CAPS2: variants seen among roughly 807,000 people sequenced by gnomAD.
The protein encoded by CAPS2 is calcyphosin-2.
CAPS2 carries 98 observed loss-of-function variants against 86.5 expected under a neutral mutation model. The ratio of observed to expected loss-of-function variants is 1.13; its 90% CI spans 0.96 to 1.34. The LOEUF (loss-of-function observed/expected upper bound fraction) is 1.34, where lower values mean the gene tolerates loss of function less well. CAPS2 is among the 40% of genes most tolerant of loss of function. CAPS2 has a pLI of 0.00. For missense variants in CAPS2, 729 were observed against 686.8 expected (o/e 1.06, Z -0.69); for synonymous variants, 210 against 225.1 (o/e 0.93, Z 0.60).
Position 75,308,333 on chromosome 12 carries a change from G to C in CAPS2, c.660-3457C>G, listed in dbSNP as rs143214357. Among the ~76,000 whole-genome samples the C allele has an allele frequency of 2.5e-3, 373 of 152,244 alleles. 6 individuals carry two copies. Among genetic ancestry groups the C allele is most frequent in the Admixed American group, 0.021 (323 of 15,290 alleles). The stretch of plus-strand genomic sequence containing the variant: ...TAGAAAGAAATGTATGTATGTATTT[G>C]TCATTACATACATTTACATGTACAC... On this transcript the variant is annotated intron_variant, in intron 7 of 16. Transcript: ENST00000393284.
At chr12:75,305,649 G>T (rs921657278) in intron 7 of CAPS2, 11 of 634,130 alleles carry the variant, frequency 1.7e-5, no homozygotes, top group Non-Finnish European at 3.3e-5. Context: ...GAGAAGGGCG[G>T]CGCCCACCAG....
intron 9 of CAPS2, 71 bp from the exon 10 acceptor site, chr12:75,299,037 T>C (rs2037378559): frequency 1.0e-6 from 1 of 1,001,790 alleles, no homozygotes; most frequent in East Asian, 2.5e-5. Context: ...AAAAAACATG[T>C]TCATCTCAAG....
chr12:75,343,672 TA>T, intron 1 of CAPS2: 1 of 1,557,678 alleles, frequency 6.4e-7, no homozygotes, highest in Non-Finnish European at 8.7e-7. Context: ...CAATTCAATT[TA>T]AATTATTTTT....
rs550338080 is a variant in CAPS2, at chr12:75,281,901, G to A, written c.1612+350C>T. ...TCCTTCATTCTGCTTAAATCCTTAA[G>A]TATGGATAACTATATAAGCAGATAC... On this transcript the variant is annotated intron_variant, in intron 16 of 16. Coordinates refer to ENST00000393284, the Ensembl canonical transcript of CAPS2. Among the ~76,000 whole-genome samples the A allele has an allele frequency of 3.3e-5, 5 of 152,174 alleles. No individual in the cohort carries two copies. The South Asian group carries it at 1.0e-3, about 31-fold the overall frequency.
chr12:75,373,710 T>C lies in CAPS2; in HGVS notation c.-395+17128A>G, dbSNP rs4346005. ...ATCTGTAAACCAGGCCCTAGTCTTC[T>C]TTTCCTCTGCCAACTGATCATAGGG... On this transcript the variant is annotated intron_variant, in intron 1 of 5. Coordinates refer to the CAPS2 transcript ENST00000551829. 4.1e-3 allele frequency: 633 copies of C among 153,378 alleles called. 5 individuals are homozygous for C. The highest frequency in any genetic ancestry group is 0.015 in the African/African-American group (607 of 41,538). 9.5% of individuals were successfully genotyped at this position (153,378 alleles called of 1,614,324 possible).
intron 11 of CAPS2, among the ~76,000 whole-genome samples, chr12:75,297,975 G>A (rs1440975379): frequency 2.0e-5 from 3 of 151,898 alleles, no homozygotes; most frequent in African/African-American, 7.3e-5. Flanking sequence ...CTCCTATCTG[G>A]CCCTCTTATC....
At chr12:75,316,208 T>G in intron 6 of CAPS2, 104 bp downstream of exon 6, 1 of 1,382,492 alleles carries the variant, frequency 7.2e-7, no homozygotes, top group Non-Finnish European at 9.7e-7. Context: ...TCACCCGAGT[T>G]CAAATTCAAC....
rs1161574165 is a variant in CAPS2 at position 75,351,554 on chromosome 12, T to G, written c.-394-28332A>C. ...TTTAACACTCTGTTTTGTTTTGTTT[T>G]TTTTTTTTTTGAGATGGAGTCCCAC... On this transcript the variant is annotated intron_variant, in intron 1 of 5. Transcript: ENST00000551829. 2.0e-5 allele frequency among the ~76,000 whole-genome samples: 3 copies of G among 151,730 alleles called. No homozygotes were observed. In the East Asian group the frequency reaches 5.8e-4, roughly 29 times the overall value.
chr12:75,353,155 CT>C (rs755547247), intron 1 of CAPS2, among the ~76,000 whole-genome samples: 33 of 151,994 alleles, frequency 2.2e-4, no homozygotes, highest in African/African-American at 6.5e-4. Flanking sequence ...CAGAGTGAAA[CT>C]AAAGGTGATA....
chr12:75,277,373 T>C (rs2033115427), exon 17 of CAPS2: 1 of 977,064 alleles, frequency 1.0e-6, no homozygotes. Context: ...TAGTCATTTT[T>C]AACAAGAACA....
chr12:75,359,685 T>C (rs1399932165), intron 1 of CAPS2, among the ~76,000 whole-genome samples: 3 of 152,158 alleles, frequency 2.0e-5, no homozygotes, highest in South Asian at 2.1e-4. Context: ...TCACACATTG[T>C]TGACCACATT....
chr12:75,313,697 T>C lies in CAPS2; in HGVS notation c.592-782A>G, dbSNP rs56268800. On this transcript the variant is annotated intron_variant, in intron 6 of 16. Coordinates refer to ENST00000393284, the Ensembl canonical transcript of CAPS2. ...AGAGGTCAAAATAAAGCTTGTTCTATTTTTAGAATGTAAATTACTGTCATC... is the reference window on the plus strand; with the variant it reads ...AGAGGTCAAAATAAAGCTTGTTCTACTTTTAGAATGTAAATTACTGTCATC... Among the ~76,000 whole-genome samples the C allele has an allele frequency of 5.1e-3, 784 of 152,290 alleles. 8 individuals carry two copies. The highest frequency in any genetic ancestry group is 0.017 in the African/African-American group (703 of 41,554).
At chr12:75,362,495 T>A (rs1048236638) in intron 1 of CAPS2, among the ~76,000 whole-genome samples, 1 of 152,160 alleles carries the variant, frequency 6.6e-6, no homozygotes, top group Non-Finnish European at 1.5e-5. Flanking sequence ...CAAATGCCCA[T>A]CAATGGAAGA....
chr12:75,353,632 C>A (rs2042957802), intron 1 of CAPS2, among the ~76,000 whole-genome samples: 2 of 152,156 alleles, frequency 1.3e-5, no homozygotes, highest in Non-Finnish European at 2.9e-5. Context: ...GGACTCCTCC[C>A]TAACCATTTT....
chr12:75,325,923 T>C (rs370814280), intron 1 of CAPS2, among the ~76,000 whole-genome samples: 3 of 152,146 alleles, frequency 2.0e-5, no homozygotes, highest in African/African-American at 7.2e-5. Context: ...AACATGTATG[T>C]GTTTGTAAAC....
At chr12:75,291,537 A>ATT (rs1781064406) in intron 13 of CAPS2, among the ~76,000 whole-genome samples, 1 of 71,892 alleles carries the variant, frequency 1.4e-5, no homozygotes, top group African/African-American at 6.1e-5. Flanking sequence ...TATTTTAAAA[A>ATT]GTATATATAT....
At chr12:75,346,056 A>G (rs1482833844) in intron 1 of CAPS2, among the ~76,000 whole-genome samples, 2 of 152,212 alleles carry the variant, frequency 1.3e-5, no homozygotes, top group African/African-American at 2.4e-5. Flanking sequence ...GTTACATCCA[A>G]TGTTCATATT....
At chr12:75,361,742 C>A (rs527350215) in intron 1 of CAPS2, among the ~76,000 whole-genome samples, 2 of 152,252 alleles carry the variant, frequency 1.3e-5, no homozygotes, top group African/African-American at 4.8e-5. Flanking sequence ...CAGTAGAACT[C>A]ACTCACTATC....
intron 13 of CAPS2, among the ~76,000 whole-genome samples, chr12:75,291,279 A>C (rs2035807380): frequency 6.6e-6 from 1 of 151,570 alleles, no homozygotes; most frequent in African/African-American, 2.4e-5. Context: ...AGGACACCAC[A>C]AACCTCTTCA....
Sources: gnomAD v4.1 joint callset for allele counts (sites outside exome capture counted in the v4.1 genomes callset) on GRCh38, gnomAD v4.1.1 for gene constraint, MANE v1.5 for transcripts, NCBI Gene and HGNC (gene_info 2026-07-23, HGNC 2026-07-21) for gene names.